PTPRN2: variants seen among roughly 807,000 people sequenced by gnomAD.
PTPRN2 encodes the protein receptor-type tyrosine-protein phosphatase N2.
Under a neutral mutation model 118.8 loss-of-function variants are expected in PTPRN2, and 74 were observed. That is an observed-to-expected ratio of 0.62 (90% CI 0.52 to 0.76). PTPRN2 has a LOEUF of 0.76. Ranked by LOEUF, PTPRN2 falls within the 30% of genes least tolerant of loss-of-function variation. The pLI is 0.00. For missense variants in PTPRN2, 1,481 were observed against 1,394.4 expected, an observed-to-expected ratio of 1.06 and a Z score of -0.99; for synonymous variants, 641 against 608.0, an observed-to-expected ratio of 1.05 and a Z score of -0.80.
At chr7:157,915,388 A>G (rs1399446731) in intron 11 of PTPRN2, among the ~76,000 whole-genome samples, 1 of 152,106 alleles carries the variant, frequency 6.6e-6, no homozygotes, top group African/African-American at 2.4e-5. Context: ...GTGGGATTGT[A>G]CATCCCTGTG....
At position 157,779,963 on chromosome 7, in the gene PTPRN2, A is replaced by T. The variant is rs916629263; in HGVS notation, c.1789-97026T>A. Among the ~76,000 whole-genome samples the T allele has an allele frequency of 6.6e-6, 1 of 152,202 alleles. No individual in the cohort carries two copies. Among genetic ancestry groups the T allele is most frequent in the African/African-American group, 2.4e-5 (1 of 41,452 alleles). ...CAGACTGCTGTGTCCACACGGGTTA[A>T]TAAAAATGCTGACCCCAGTTCCCAA... is the stretch of plus-strand genomic sequence containing the variant. On this transcript the variant is annotated intron_variant, in intron 12 of 22. Transcript: ENST00000389418. This position sits in a 1 kb window ranked among gnomAD's most constrained non-coding sequence, Gnocchi z 4.7.
In PTPRN2 at chr7:158,320,187, TCGTACACACACAGCCTCCCTCACA is replaced by T. The variant is rs1563134182; in HGVS notation, c.164-3279_164-3256del. On this transcript the variant is annotated intron_variant, in intron 2 of 22. Transcript: ENST00000389418. ...CTCCCTCGTACACACACAGCCTCCC[TCGTACACACACAGCCTCCCTCACA>T]CACACACACAGCCTCCCTCACAGGG... 1.2e-4 allele frequency among the ~76,000 whole-genome samples: 13 copies of T among 106,374 alleles called. No individual in the cohort carries two copies. The East Asian group carries it at 3.4e-3, about 27-fold the overall frequency. 69.8% of individuals were successfully genotyped at this position (106,374 alleles called of 152,430 possible).
At chr7:157,773,328 T>C (rs57948129) in intron 12 of PTPRN2, among the ~76,000 whole-genome samples, 23,806 of 152,076 alleles carry the variant, frequency 0.16, 2,094 homozygotes, top group South Asian at 0.23. Context: ...GTGGGAGTCA[T>C]GCCTAGAAAA....
chr7:157,576,575 C>G (rs1231318160), intron 19 of PTPRN2, 38 bp downstream of exon 19: 7 of 1,569,692 alleles, frequency 4.5e-6, no homozygotes, highest in Admixed American at 3.6e-5. Flanking sequence ...GCCGCGCGCT[C>G]AGCGCGCACT....
At chr7:158,134,963 G>C (rs562893626) in intron 8 of PTPRN2, among the ~76,000 whole-genome samples, 1 of 152,090 alleles carries the variant, frequency 6.6e-6, no homozygotes, top group African/African-American at 2.4e-5. Flanking sequence ...GGCCATCAAA[G>C]ACATGATCTC....
intron 2 of PTPRN2, among the ~76,000 whole-genome samples, chr7:158,336,761 C>A (rs1378122175): frequency 9.6e-6 from 1 of 104,248 alleles, no homozygotes; most frequent in Non-Finnish European, 2.2e-5. Flanking sequence ...CACCCACAGT[C>A]TCACCATAAG....
chr7:158,024,222 T>A (rs746232523), intron 11 of PTPRN2, among the ~76,000 whole-genome samples: 6 of 151,932 alleles, frequency 3.9e-5, no homozygotes, highest in Non-Finnish European at 5.9e-5. Context: ...AGGTTCCGAG[T>A]CCTCACTGCT....
At chr7:157,588,687 T>A (rs1252977930) in intron 17 of PTPRN2, among the ~76,000 whole-genome samples, 1 of 152,232 alleles carries the variant, frequency 6.6e-6, no homozygotes, top group African/African-American at 2.4e-5. Context: ...TGTATTTTTG[T>A]AAACAACACC....
At position 158,171,326 on chromosome 7, in the gene PTPRN2, T is replaced by C. The variant is rs1320752305; in HGVS notation, c.550-4035A>G. ...ATACACACATATATATATATATATA[T>C]ATATATATATATATATATATATACA... On this transcript the variant is annotated intron_variant, in intron 5 of 22. Transcript: ENST00000389418. Among the ~76,000 whole-genome samples, 492 of 127,370 alleles carry C rather than the reference T, an allele frequency of 3.9e-3. 36 individuals carry two copies. The highest frequency in any genetic ancestry group is 0.012 in the African/African-American group (361 of 31,202). 83.6% of individuals were successfully genotyped at this position (127,370 alleles called of 152,430 possible). A position where few individuals can be genotyped will look rare whatever the true frequency, so the allele number is the denominator to read the frequency against.
chr7:157,823,631 A>G (rs1275942797), intron 12 of PTPRN2, among the ~76,000 whole-genome samples: 1 of 152,234 alleles, frequency 6.6e-6, no homozygotes, highest in East Asian at 1.9e-4. Context: ...GGCCCCTGAC[A>G]TCCAAGACTA....
intron 3 of PTPRN2, among the ~76,000 whole-genome samples, chr7:158,278,607 C>T (rs894126356): frequency 1.3e-5 from 2 of 152,336 alleles, no homozygotes; most frequent in Admixed American, 6.5e-5. Flanking sequence ...ATGTTGTGTC[C>T]GGAATTGGTG....
rs578010804 is a variant in PTPRN2 at position 157,811,689 on chromosome 7, G to C, written c.1788+86984C>G. Reference sequence around the variant, plus strand: ...ATGAGCACTCGGCTTATGGGAGACTGATGCTCCCCACAGGCCGGCCCCTGT... The same window carrying C: ...ATGAGCACTCGGCTTATGGGAGACTCATGCTCCCCACAGGCCGGCCCCTGT... On this transcript the variant is annotated intron_variant, in intron 12 of 22. Coordinates refer to ENST00000389418, the MANE Select transcript of PTPRN2 (RefSeq NM_002847.5). Among the ~76,000 whole-genome samples the C allele has an allele frequency of 1.6e-4, 24 of 152,274 alleles. No homozygotes were observed. In the South Asian group the frequency reaches 5.0e-3, roughly 32 times the overall value.
intron 11 of PTPRN2, among the ~76,000 whole-genome samples, chr7:158,045,711 C>T (rs192512193): frequency 5.3e-5 from 8 of 151,548 alleles, no homozygotes; most frequent in East Asian, 1.9e-4. Context: ...GTGATCCTGG[C>T]GTCCTGACAC....
At chr7:158,217,302 G>A (rs1828021830) in intron 3 of PTPRN2, among the ~76,000 whole-genome samples, 1 of 152,164 alleles carries the variant, frequency 6.6e-6, no homozygotes, top group Non-Finnish European at 1.5e-5. Flanking sequence ...CACAGGCCTG[G>A]TCCCAGGTCA....
In PTPRN2 at chr7:158,052,987, C is replaced by T. The variant is rs536597248; in HGVS notation, c.1723+28311G>A. Among the ~76,000 whole-genome samples the T allele has an allele frequency of 8.5e-5, 13 of 152,308 alleles. No individual in the cohort carries two copies. In the East Asian group the frequency reaches 9.7e-4, roughly 11 times the overall value. ...CTCCTGCTGGGGTCTGAGGCTCTGC[C>T]GCCTTCTCCCTGCCCAGGCTGGCCC... On this transcript the variant is annotated intron_variant, in intron 11 of 22. Coordinates refer to ENST00000389418, the MANE Select transcript of PTPRN2 (RefSeq NM_002847.5).
In PTPRN2 at chr7:157,809,855, G is replaced by A. The variant is rs560550477; in HGVS notation, c.1788+88818C>T. Among the ~76,000 whole-genome samples, 33 of 152,298 alleles carry A rather than the reference G, an allele frequency of 2.2e-4. No homozygotes were observed. The South Asian group carries it at 3.1e-3, about 14-fold the overall frequency. ...GACCCCAGGATCCTCACAGGAAACCGTCTCACTGGCCCAGTCCTGCTGGGC... is the reference window on the plus strand; with the variant it reads ...GACCCCAGGATCCTCACAGGAAACCATCTCACTGGCCCAGTCCTGCTGGGC... On this transcript the variant is annotated intron_variant, in intron 12 of 22. Transcript: ENST00000389418.
chr7:157,549,160 G>C, intron 21 of PTPRN2, 141 bp from the exon 22 acceptor site: 1 of 783,938 alleles, frequency 1.3e-6, no homozygotes, highest in Non-Finnish European at 2.1e-6. Context: ...CGGCTGGCAG[G>C]CGGCTGCAAT....
intron 1 of PTPRN2, among the ~76,000 whole-genome samples, chr7:158,569,969 AGC>A (rs1188329974): frequency 6.6e-6 from 1 of 152,106 alleles, no homozygotes; most frequent in Non-Finnish European, 1.5e-5. Flanking sequence ...CGCCCTGGCC[AGC>A]GGGTGCCGCT....
chr7:157,803,625 G>T (rs1805454618), intron 12 of PTPRN2, among the ~76,000 whole-genome samples: 1 of 152,182 alleles, frequency 6.6e-6, no homozygotes, highest in Non-Finnish European at 1.5e-5. Flanking sequence ...TGAGGTGAGG[G>T]TCCGATGCCG....
Sources: allele counts gnomAD v4.1 joint callset (sites outside exome capture counted in the v4.1 genomes callset), GRCh38; gene constraint gnomAD v4.1.1; non-coding constraint Gnocchi (gnomAD v3.1); transcripts MANE v1.5; gene names NCBI Gene and HGNC (gene_info 2026-07-23, HGNC 2026-07-21).